The following TMTC2 variants were observed in gnomAD, a reference collection of about 807,000 sequenced individuals.
TMTC2 encodes transmembrane O-mannosyltransferase targeting cadherins 2.
TMTC2 carries 43 observed loss-of-function variants against 82.4 expected under a neutral mutation model. The observed-to-expected ratio is 0.52, with a 90% confidence interval of 0.41 to 0.67. The LOEUF (loss-of-function observed/expected upper bound fraction) is 0.67, where lower values mean the gene tolerates loss of function less well. Ranked by LOEUF, TMTC2 falls within the 30% of genes least tolerant of loss-of-function variation. The probability of loss-of-function intolerance (pLI) is 0.00; values close to 1 mark genes in which losing one functional copy is unlikely to be tolerated. For missense variants in TMTC2, 919 were observed against 1,012.4 expected, an observed-to-expected ratio of 0.91 and a Z score of 1.25; for synonymous variants, 408 against 381.9, an observed-to-expected ratio of 1.07 and a Z score of -0.80.
At chr12:82,736,450 T>C (rs1875129311) in intron 1 of TMTC2, among the ~76,000 whole-genome samples, 1 of 152,246 alleles carries the variant, frequency 6.6e-6, no homozygotes, top group South Asian at 2.1e-4. Context: ...TTTTACTTTT[T>C]TGTTTGATTC....
chr12:82,774,299 G>C (rs1877470465), intron 1 of TMTC2, among the ~76,000 whole-genome samples: 1 of 152,130 alleles, frequency 6.6e-6, no homozygotes, highest in African/African-American at 2.4e-5. Context: ...ACATCAATGT[G>C]ATAGAAGTTT....
chr12:82,909,802 A>C (rs145758718), intron 3 of TMTC2, among the ~76,000 whole-genome samples: 227 of 152,346 alleles, frequency 1.5e-3, no homozygotes, highest in African/African-American at 5.1e-3. Context: ...GAGACCTATG[A>C]AATATCTTCA....
rs565606262 is a variant in TMTC2, at chr12:82,901,635, T to C, written c.1483+4989T>C. Among the ~76,000 whole-genome samples the C allele has an allele frequency of 2.1e-4, 32 of 152,260 alleles. No individual in the cohort carries two copies. The South Asian group carries it at 6.2e-3, about 30-fold the overall frequency. On this transcript the variant is annotated intron_variant, in intron 3 of 11. Transcript: ENST00000321196. ...CACCTCACCTCCCAGCTTGTATTTC[T>C]TGCCTTTTAGCATGTCTTGTACTTT...
At position 82,773,603 on chromosome 12, in the gene TMTC2, GGC is replaced by G. The variant is rs1360465593; in HGVS notation, c.84-83405_84-83404del. ...AGCCTCCTGAGTAGCTGGGATTACA[GGC>G]GTGTGCCACCAGGCCCAGCTAGTTG... On this transcript the variant is annotated intron_variant, in intron 1 of 11. Coordinates refer to ENST00000321196, the MANE Select transcript of TMTC2 (RefSeq NM_152588.3). Among the ~76,000 whole-genome samples, 289 of 151,996 alleles carry G rather than the reference GGC, an allele frequency of 1.9e-3. 2 individuals carry two copies. The highest frequency in any genetic ancestry group is 2.7e-3 in the Non-Finnish European group (181 of 67,900).
At chr12:82,712,941 G>C (rs1176905228) in intron 1 of TMTC2, among the ~76,000 whole-genome samples, 2 of 152,144 alleles carry the variant, frequency 1.3e-5, no homozygotes, top group Non-Finnish European at 2.9e-5. Flanking sequence ...CAAAAGCTGA[G>C]GGAAGGAAGA....
At chr12:82,788,585 A>G (rs565627566) in intron 1 of TMTC2, among the ~76,000 whole-genome samples, 4 of 152,216 alleles carry the variant, frequency 2.6e-5, no homozygotes, top group East Asian at 1.9e-4. Context: ...TTTAGTTACA[A>G]TCTCCTAGAA....
intron 1 of TMTC2, among the ~76,000 whole-genome samples, chr12:82,766,623 G>A (rs1876976129): frequency 6.6e-6 from 1 of 152,084 alleles, no homozygotes; most frequent in African/African-American, 2.4e-5. Context: ...TCTAGATCAA[G>A]TCCGACGAAA....
At chr12:82,792,394 A>G (rs1878510198) in intron 1 of TMTC2, among the ~76,000 whole-genome samples, 1 of 151,848 alleles carries the variant, frequency 6.6e-6, no homozygotes, top group Non-Finnish European at 1.5e-5. Context: ...ATATATCAAC[A>G]CTTCCAGAGG....
At chr12:82,820,488 C>T (rs888556928) in intron 1 of TMTC2, among the ~76,000 whole-genome samples, 1 of 151,830 alleles carries the variant, frequency 6.6e-6, no homozygotes, top group African/African-American at 2.4e-5. Context: ...GATTCTCTTG[C>T]CCCAGCCTCC....
chr12:82,787,219 A>T (rs1237709509), intron 1 of TMTC2, among the ~76,000 whole-genome samples: 2 of 152,044 alleles, frequency 1.3e-5, no homozygotes, highest in Non-Finnish European at 2.9e-5. Context: ...AGTTAATTTT[A>T]GATGGTGTGA....
chr12:82,957,821 C>A (rs1160204963), intron 4 of TMTC2, among the ~76,000 whole-genome samples: 1 of 151,674 alleles, frequency 6.6e-6, no homozygotes, highest in Non-Finnish European at 1.5e-5. Context: ...AAATAAAAAC[C>A]TGAACAGACT....
At chr12:82,780,166 G>A (rs1014139946) in intron 1 of TMTC2, among the ~76,000 whole-genome samples, 1 of 152,150 alleles carries the variant, frequency 6.6e-6, no homozygotes, top group African/African-American at 2.4e-5. Context: ...ATTGAACAAA[G>A]CACAGTATAA....
chr12:83,022,056 G>A (rs1440487003), intron 8 of TMTC2: 2 of 150,958 alleles, frequency 1.3e-5, no homozygotes, highest in Admixed American at 1.3e-4. Context: ...ATGAGTAAAA[G>A]CAACATGTGG....
At chr12:82,910,684 G>A (rs1185394532) in intron 3 of TMTC2, among the ~76,000 whole-genome samples, 1 of 152,152 alleles carries the variant, frequency 6.6e-6, no homozygotes, top group Non-Finnish European at 1.5e-5. Flanking sequence ...TTCCCATGGA[G>A]TCCGGCTGCT....
intron 11 of TMTC2, among the ~76,000 whole-genome samples, chr12:83,079,013 C>T (rs1268677535): frequency 6.6e-6 from 1 of 151,902 alleles, no homozygotes; most frequent in African/African-American, 2.4e-5. Flanking sequence ...AAATCATTAG[C>T]ATGATTTACA....
chr12:82,734,208 A>T (rs73155500), intron 1 of TMTC2, among the ~76,000 whole-genome samples: 3,189 of 152,320 alleles, frequency 0.021, 50 homozygotes, highest in Non-Finnish European at 0.032. Flanking sequence ...ATTGCTGCTT[A>T]AAAAATTACC....
At chr12:82,814,381 C>T (rs569922118) in intron 1 of TMTC2, among the ~76,000 whole-genome samples, 8 of 152,148 alleles carry the variant, frequency 5.3e-5, no homozygotes, top group South Asian at 4.1e-4. Flanking sequence ...GAATACTATT[C>T]GTGTAGTTTG....
intron 3 of TMTC2, among the ~76,000 whole-genome samples, chr12:82,912,908 C>T (rs1029624752): frequency 6.9e-6 from 1 of 144,030 alleles, no homozygotes; most frequent in Admixed American, 7.2e-5. Context: ...CACTGCACTC[C>T]AGCCTGGGTG....
intron 1 of TMTC2, among the ~76,000 whole-genome samples, chr12:82,697,771 G>A (rs1374753507): frequency 6.6e-6 from 1 of 152,160 alleles, no homozygotes; most frequent in African/African-American, 2.4e-5. Flanking sequence ...AAACTGATAC[G>A]CAGTTGCCTA....
Sources: allele counts gnomAD v4.1 joint callset (sites outside exome capture counted in the v4.1 genomes callset), GRCh38; gene constraint gnomAD v4.1.1; transcripts MANE v1.5; gene names NCBI Gene and HGNC (gene_info 2026-07-23, HGNC 2026-07-21).